RIMKLB: variants seen among roughly 807,000 people sequenced by gnomAD.
RIMKLB encodes beta-citrylglutamate synthase B.
A neutral mutation model predicts 32.0 loss-of-function variants in RIMKLB; 7 were observed. The ratio of observed to expected loss-of-function variants is 0.22; its 90% CI spans 0.12 to 0.41. The LOEUF is 0.41. RIMKLB is among the 10% of genes least tolerant of loss of function. The pLI is 1.00. For missense variants in RIMKLB, 289 were observed against 498.7 expected (o/e 0.58, Z 4.00); for synonymous variants, 172 against 185.1 (o/e 0.93, Z 0.57).
chr12:8,731,298 A>C (rs1946522736), intron 2 of RIMKLB, among the ~76,000 whole-genome samples: 3 of 151,680 alleles, frequency 2.0e-5, no homozygotes, highest in Admixed American at 2.0e-4. Flanking sequence ...GGGTTTCGCC[A>C]CGTTGGCCAG....
chr12:8,693,516 C>A (rs1360522729), upstream of RIMKLB, among the ~76,000 whole-genome samples: 1 of 151,866 alleles, frequency 6.6e-6, no homozygotes, highest in Non-Finnish European at 1.5e-5. Flanking sequence ...CCTGCCTCAG[C>A]CTCCTGAGTA....
At chr12:8,745,182 C>T (rs1447376988) in intron 2 of RIMKLB, among the ~76,000 whole-genome samples, 1 of 151,870 alleles carries the variant, frequency 6.6e-6, no homozygotes, top group Non-Finnish European at 1.5e-5. Context: ...CTCCTGACCT[C>T]AAGTGATTTG....
upstream of RIMKLB, among the ~76,000 whole-genome samples, chr12:8,680,216 C>T (rs867813205): frequency 2.0e-5 from 3 of 152,326 alleles, no homozygotes; most frequent in Middle Eastern, 3.4e-3. Context: ...AGCGCAGTGG[C>T]GCGATCTCGG....
At chr12:8,678,716 T>C (rs1460137245), upstream of RIMKLB, 2 of 152,252 alleles carry the variant, frequency 1.3e-5, no homozygotes, top group African/African-American at 2.4e-5. Flanking sequence ...CCCTAACTTC[T>C]GGAATGCGGG....
At chr12:8,727,715 A>G (rs769861337) in intron 2 of RIMKLB, among the ~76,000 whole-genome samples, 19 of 152,204 alleles carry the variant, frequency 1.2e-4, no homozygotes, top group African/African-American at 4.3e-4. Flanking sequence ...CCTGGCCAAC[A>G]TGGTGAAACC....
chr12:8,708,681 C>T (rs1020024986), intron 1 of RIMKLB, among the ~76,000 whole-genome samples: 4 of 152,162 alleles, frequency 2.6e-5, no homozygotes. Flanking sequence ...GTGGTACTTT[C>T]TAAACTATTA....
In RIMKLB at chr12:8,714,048, CTG is replaced by C. The variant is rs1443984884; in HGVS notation, c.175+9_175+10del. The C allele has an allele frequency of 4.3e-6, 7 of 1,612,664 alleles. No homozygotes were observed. Among genetic ancestry groups the C allele is most frequent in the Non-Finnish European group, 5.9e-6 (7 of 1,178,994 alleles). ...ATCGAGCAAGGAAACCTGGGTAAGT[CTG>C]TATACTAAGTGATCTTTTGGATTTT... On this transcript the variant is annotated splice_region_variant and intron_variant, in intron 2 of 5. Coordinates refer to ENST00000535829, the MANE Select transcript of RIMKLB (RefSeq NM_001297776.2).
intron 2 of RIMKLB, among the ~76,000 whole-genome samples, chr12:8,723,228 G>A (rs1002382244): frequency 1.3e-5 from 2 of 152,154 alleles, no homozygotes; most frequent in African/African-American, 2.4e-5. Context: ...TAGAGCCACT[G>A]TAGGGTTATT....
chr12:8,754,064 A>G lies in RIMKLB; in HGVS notation c.668A>G (p.Asp223Gly), dbSNP rs1565402191. 1 of 1,614,008 alleles carries G rather than the reference A, an allele frequency of 6.2e-7. No homozygotes were observed. The highest frequency in any genetic ancestry group is 8.5e-7 in the Non-Finnish European group (1 of 1,179,868). ...GGCACCATGTTACGTTGTTCAACAGATGGGAGAATGCAAAGCAACTGCTCA... is the reference window on the plus strand; with the variant it reads ...GGCACCATGTTACGTTGTTCAACAGGTGGGAGAATGCAAAGCAACTGCTCA... Reference protein sequence around the residue: ...VVGTMLRCSTDGRMQSNCSLG... With the variant: ...VVGTMLRCSTGGRMQSNCSLG... The change falls in exon 5 of 6, where the codon GAT (aspartate) becomes GGT (glycine). Residue 223 changes from aspartate (D) to glycine (G), a missense_variant. Around this residue, in one of 3 missense-constraint regions of RIMKLB, gnomAD observed 156 missense variants for 329.5 expected, o/e 0.47. Coordinates refer to ENST00000535829, the MANE Select transcript of RIMKLB (RefSeq NM_001297776.2).
chr12:8,771,534 T>C (rs1359909513), intron 5 of RIMKLB, among the ~76,000 whole-genome samples: 2 of 152,206 alleles, frequency 1.3e-5, no homozygotes, highest in Non-Finnish European at 1.5e-5. Context: ...AGAAGAATAA[T>C]ACTTTGTCTG....
chr12:8,777,600 A>G (rs753444814), downstream of RIMKLB: 1 of 1,288,442 alleles, frequency 7.8e-7, no homozygotes, highest in South Asian at 1.2e-5. Context: ...CCTTTTCAGG[A>G]GCCAAAAAAA....
chr12:8,775,481 A>G lies in RIMKLB; in HGVS notation c.*1697A>G. ...TAAACAGCAAGTTTTCCATCTCCCT[A>G]CGAATCCTCTGAAGCTTTTACCCAA... On this transcript the variant is annotated 3_prime_UTR_variant, in exon 6 of 6. Coordinates refer to ENST00000535829, the MANE Select transcript of RIMKLB (RefSeq NM_001297776.2). 8.1e-6 allele frequency: 8 copies of G among 985,766 alleles called. No homozygotes were observed. The highest frequency in any genetic ancestry group is 5.2e-4 in the Middle Eastern group (1 of 1,914). The allele number at this position is 985,766 out of a possible 1,614,324, so 61.1% of individuals were successfully genotyped here.
At chr12:8,708,819 T>C (rs1356124233) in intron 1 of RIMKLB, among the ~76,000 whole-genome samples, 2 of 152,198 alleles carry the variant, frequency 1.3e-5, no homozygotes, top group Non-Finnish European at 2.9e-5. Context: ...CAAGATGCAG[T>C]GCTGTTTTTT....
intron 1 of RIMKLB, among the ~76,000 whole-genome samples, chr12:8,702,227 TAC>T (rs1368108161): frequency 6.6e-6 from 1 of 152,214 alleles, no homozygotes; most frequent in Non-Finnish European, 1.5e-5. Flanking sequence ...TCATGGAGTT[TAC>T]AGACTAATTT....
chr12:8,758,437 A>G (rs1211406742), intron 5 of RIMKLB, among the ~76,000 whole-genome samples: 8 of 152,120 alleles, frequency 5.3e-5, no homozygotes, highest in Admixed American at 3.3e-4. Flanking sequence ...ATCTAATCTG[A>G]CTTCAAATTC....
At chr12:8,751,913 C>A (rs1186912848) in intron 3 of RIMKLB, 44 bp from the exon 4 acceptor site, 5 of 1,222,190 alleles carry the variant, frequency 4.1e-6, no homozygotes, top group East Asian at 2.3e-5. Flanking sequence ...TCACAAAATA[C>A]TTCTGCTGCT....
At chr12:8,705,276 A>G in intron 1 of RIMKLB, among the ~76,000 whole-genome samples, 1 of 152,116 alleles carries the variant, frequency 6.6e-6, no homozygotes, top group Non-Finnish European at 1.5e-5. Flanking sequence ...CAGGAGTTCG[A>G]GACCAGCCTG....
At chr12:8,744,033 T>G (rs17729565) in intron 2 of RIMKLB, among the ~76,000 whole-genome samples, 5,032 of 151,970 alleles carry the variant, frequency 0.033, 108 homozygotes, top group Non-Finnish European at 0.04. Flanking sequence ...GTGGGTAAAG[T>G]TCTTTGAACA....
At chr12:8,670,400 G>A in the RIMKLB span, among the ~76,000 whole-genome samples, 1 of 152,172 alleles carries the variant, frequency 6.6e-6, no homozygotes, top group African/African-American at 2.4e-5. Flanking sequence ...TTTCAGGTGG[G>A]AGAAATTGGC....
Sources: gnomAD v4.1 joint callset for allele counts (sites outside exome capture counted in the v4.1 genomes callset) on GRCh38, gnomAD v4.1.1 for gene constraint, gnomAD v4.1.1 regional missense constraint, MANE v1.5 for transcripts, NCBI Gene and HGNC (gene_info 2026-07-23, HGNC 2026-07-21) for gene names.